NFIB: variants seen among roughly 807,000 people sequenced by gnomAD.
NFIB encodes the protein nuclear factor I B, also known as nuclear factor 1 B-type.
In NFIB, 11 loss-of-function variants were observed where a neutral mutation model predicts 61.5. That is an observed-to-expected ratio of 0.18 (90% CI 0.11 to 0.30). The LOEUF is 0.30. Among genes scored for constraint, NFIB ranks in the 10% least tolerant of loss-of-function variants. The pLI is 1.00. For synonymous variants in NFIB, 260 were observed against 216.5 expected, an observed-to-expected ratio of 1.20 and a Z score of -1.76; for missense variants, 471 against 608.9, an observed-to-expected ratio of 0.77 and a Z score of 2.38.
At chr9:14,237,419 C>A (rs1282749428) in intron 2 of NFIB, among the ~76,000 whole-genome samples, 1 of 152,178 alleles carries the variant, frequency 6.6e-6, no homozygotes, top group Non-Finnish European at 1.5e-5. Flanking sequence ...CGAAGGCCAG[C>A]ACACACAGGG....
chr9:14,526,244 G>A, the NFIB span, among the ~76,000 whole-genome samples: 1 of 152,072 alleles, frequency 6.6e-6, no homozygotes, highest in Admixed American at 6.6e-5. Context: ...AGGTGCTGGG[G>A]TAAAATTAAT....
the NFIB span, among the ~76,000 whole-genome samples, chr9:14,445,728 A>G: frequency 3.3e-5 from 5 of 152,128 alleles, no homozygotes; most frequent in Admixed American, 6.6e-5. Context: ...TGGTTTTATG[A>G]AATTTTGTTT....
chr9:14,150,052 C>T, intron 5 of NFIB, 93 bp downstream of exon 5: 1 of 1,535,674 alleles, frequency 6.5e-7, no homozygotes, highest in Non-Finnish European at 8.8e-7. Flanking sequence ...TTTCCCATCT[C>T]TCTTTACCTA....
intron 10 of NFIB, among the ~76,000 whole-genome samples, chr9:14,090,424 A>G (rs1200839400): frequency 1.3e-5 from 2 of 152,092 alleles, no homozygotes; most frequent in Non-Finnish European, 2.9e-5. Context: ...AACTTATTTT[A>G]CCCTCAACTG....
intron 6 of NFIB, 82 bp downstream of exon 6, chr9:14,146,607 T>C: frequency 6.9e-6 from 11 of 1,585,670 alleles, no homozygotes; most frequent in Non-Finnish European, 9.5e-6. Flanking sequence ...TTGGTTTAAT[T>C]ATGAAATTTT....
chr9:14,401,868 G>A (rs908544188), upstream of NFIB, among the ~76,000 whole-genome samples: 2 of 151,812 alleles, frequency 1.3e-5, no homozygotes, highest in African/African-American at 4.8e-5. Context: ...TAATAAAAGT[G>A]AGACTGGTGG....
chr9:14,486,809 T>C, the NFIB span, among the ~76,000 whole-genome samples: 2 of 152,160 alleles, frequency 1.3e-5, no homozygotes, highest in African/African-American at 4.8e-5. Context: ...GGTGGGACAA[T>C]AGGAAATTTG....
chr9:14,528,379 T>C, the NFIB span, among the ~76,000 whole-genome samples: 3 of 152,150 alleles, frequency 2.0e-5, no homozygotes, highest in African/African-American at 7.2e-5. Flanking sequence ...TGATTTTCTT[T>C]CAAGACAAAT....
chr9:14,179,713 G>C lies in NFIB; in HGVS notation c.616+14C>G. The C allele has an allele frequency of 6.2e-7, 1 of 1,613,250 alleles. No individual in the cohort carries two copies. On this transcript the variant is annotated intron_variant, in intron 3 of 10. Coordinates refer to ENST00000380953, the MANE Select transcript of NFIB (RefSeq NM_001190737.2). ...ACAATGTCAGATTGCAAATGTCCTGGAACACATATTTACCTGGAGGATTCT... is the reference window on the plus strand; with the variant it reads ...ACAATGTCAGATTGCAAATGTCCTGCAACACATATTTACCTGGAGGATTCT...
chr9:14,195,907 C>A (rs892683451), intron 2 of NFIB, among the ~76,000 whole-genome samples: 1 of 150,730 alleles, frequency 6.6e-6, no homozygotes, highest in African/African-American at 2.4e-5. Context: ...TTTTTTTTTG[C>A]AAAAGAAAAT....
the NFIB span, among the ~76,000 whole-genome samples, chr9:14,414,431 CA>C: frequency 0.081 from 4,571 of 56,668 alleles, 125 homozygotes; most frequent in African/African-American, 0.23. Flanking sequence ...GAGACTGTCT[CA>C]AAAAAAAAAA....
At chr9:14,340,146 T>G (rs2060933217) in intron 1 of NFIB, among the ~76,000 whole-genome samples, 1 of 152,196 alleles carries the variant, frequency 6.6e-6, no homozygotes, top group Non-Finnish European at 1.5e-5. Context: ...TTGTAAGAAC[T>G]TAGAAGCACT....
intron 1 of NFIB, among the ~76,000 whole-genome samples, chr9:14,369,213 G>A (rs1432141014): frequency 6.6e-6 from 1 of 152,162 alleles, no homozygotes; most frequent in African/African-American, 2.4e-5. Flanking sequence ...GACGATCAGC[G>A]TTCAGACTTG....
At position 14,388,461 on chromosome 9, in the gene NFIB, A is replaced by G. The variant is rs567736175; in HGVS notation, c.108+10063T>C. ...AAGAGAGAGGGAGAAAAAAGAGAGAAAGAAAAAGAGAGAGAGAGAGAGAAA... is the reference window on the plus strand; with the variant it reads ...AAGAGAGAGGGAGAAAAAAGAGAGAGAGAAAAAGAGAGAGAGAGAGAGAAA... On this transcript the variant is annotated intron_variant, in intron 1 of 8. Coordinates refer to the NFIB transcript ENST00000380934. Among the ~76,000 whole-genome samples, 14 of 147,984 alleles carry G rather than the reference A, an allele frequency of 9.5e-5. No homozygotes were observed. In the East Asian group the frequency reaches 1.5e-3, roughly 16 times the overall value.
upstream of NFIB, among the ~76,000 whole-genome samples, chr9:14,315,020 G>A (rs1289762142): frequency 6.6e-6 from 1 of 151,984 alleles, no homozygotes; most frequent in Non-Finnish European, 1.5e-5. Context: ...CGGGGCTGGG[G>A]CGCGGACACT....
intron 10 of NFIB, among the ~76,000 whole-genome samples, chr9:14,091,676 AT>A (rs1450515421): frequency 2.0e-5 from 3 of 152,066 alleles, no homozygotes; most frequent in Admixed American, 2.0e-4. Context: ...CAAATTTTTC[AT>A]TACCAAATCA....
the NFIB span, among the ~76,000 whole-genome samples, chr9:14,502,815 A>T: frequency 6.4e-3 from 977 of 152,036 alleles, 7 homozygotes; most frequent in African/African-American, 0.022. Context: ...AATTTCTGAG[A>T]TTTTGGTACA....
chr9:14,094,882 G>A (rs1399376828), intron 10 of NFIB, among the ~76,000 whole-genome samples: 1 of 152,060 alleles, frequency 6.6e-6, no homozygotes, highest in African/African-American at 2.4e-5. Context: ...ATATTCAATT[G>A]ATTCAGAAGT....
chr9:14,109,678 A>C (rs1287397178), intron 10 of NFIB, among the ~76,000 whole-genome samples: 1 of 152,268 alleles, frequency 6.6e-6, no homozygotes, highest in South Asian at 2.1e-4. Flanking sequence ...GATTGTGTTA[A>C]GAGATAAAGA....
Sources: allele counts gnomAD v4.1 joint callset (sites outside exome capture counted in the v4.1 genomes callset), GRCh38; gene constraint gnomAD v4.1.1; transcripts MANE v1.5; gene names NCBI Gene and HGNC (gene_info 2026-07-23, HGNC 2026-07-21).